Variants in PTGR1 observed in about 807,000 individuals in gnomAD.
PTGR1 encodes the protein 15-oxoprostaglandin 13-reductase.
In PTGR1, 23 loss-of-function variants were observed where a neutral mutation model predicts 37.7. The ratio of observed to expected loss-of-function variants is 0.61; its 90% CI spans 0.44 to 0.86. The LOEUF is 0.86. Ranked by LOEUF, PTGR1 falls within the 40% of genes least tolerant of loss-of-function variation. The probability of loss-of-function intolerance (pLI) is 0.00; values close to 1 mark genes in which losing one functional copy is unlikely to be tolerated. For synonymous variants in PTGR1, 134 were observed against 140.0 expected, an observed-to-expected ratio of 0.96 and a Z score of 0.30; for missense variants, 351 against 394.3, an observed-to-expected ratio of 0.89 and a Z score of 0.93.
intron 9 of PTGR1, among the ~76,000 whole-genome samples, chr9:111,557,113 A>G (rs1338459756): frequency 6.6e-6 from 1 of 152,204 alleles, no homozygotes; most frequent in African/African-American, 2.4e-5. Flanking sequence ...TCAGCTCCTC[A>G]TGCAGCATTT....
chr9:111,553,483 C>A (rs1828032640), intron 9 of PTGR1, among the ~76,000 whole-genome samples: 1 of 152,104 alleles, frequency 6.6e-6, no homozygotes, highest in Non-Finnish European at 1.5e-5. Flanking sequence ...TAGGTATACT[C>A]TATCTTGTGC....
rs1827674857 is a variant in PTGR1 at position 111,592,980 on chromosome 9, A to G, written c.155T>C (p.Val52Ala). Reference protein sequence around the residue: ...LFLTVDPYMRVAAKRLKEGDT... With the variant: ...LFLTVDPYMRAAAKRLKEGDT... ...ACCTTCCTTCAATCTTTTGGCTGCCACTCTGCAAAAAAAAAAAAAAAAAAA... is the reference window on the plus strand; with the variant it reads ...ACCTTCCTTCAATCTTTTGGCTGCCGCTCTGCAAAAAAAAAAAAAAAAAAA... Residue 52 changes from valine (V) to alanine (A), a missense_variant and splice_region_variant, in exon 4 of 10, where the codon GTG becomes GCG. Transcript: ENST00000407693. 3 of 960,094 alleles carry G rather than the reference A, an allele frequency of 3.1e-6. No homozygotes were observed. The highest frequency in any genetic ancestry group is 2.9e-5 in the Admixed American group (1 of 34,976). The allele number at this position is 960,094 out of a possible 1,614,324, so 59.5% of individuals were successfully genotyped here.
intron 4 of PTGR1, among the ~76,000 whole-genome samples, chr9:111,590,471 G>A (rs763786346): frequency 2.0e-4 from 30 of 152,050 alleles, no homozygotes; most frequent in Non-Finnish European, 4.0e-4. Context: ...CAATTCTCAT[G>A]CCTCAGCCTC....
At chr9:111,553,915 T>G (rs1215108802) in intron 9 of PTGR1, among the ~76,000 whole-genome samples, 1 of 152,230 alleles carries the variant, frequency 6.6e-6, no homozygotes, top group Non-Finnish European at 1.5e-5. Context: ...TCCAGCATTT[T>G]GTTGCTTTCC....
At chr9:111,586,382 C>T (rs1274731759) in intron 4 of PTGR1, among the ~76,000 whole-genome samples, 1 of 152,142 alleles carries the variant, frequency 6.6e-6, no homozygotes, top group Non-Finnish European at 1.5e-5. Flanking sequence ...AGGAGTGGCT[C>T]ATGGGGTGAG....
At chr9:111,551,358 T>C (rs2132280530) in intron 9 of PTGR1, among the ~76,000 whole-genome samples, 1 of 150,286 alleles carries the variant, frequency 6.7e-6, no homozygotes, top group African/African-American at 2.4e-5. Flanking sequence ...TTGTTCTAAA[T>C]ATACTTAATT....
intron 4 of PTGR1, among the ~76,000 whole-genome samples, chr9:111,586,782 ACTCTCTCTCTCT>A (rs35858814): frequency 1.5e-5 from 2 of 136,198 alleles, no homozygotes; most frequent in Non-Finnish European, 3.1e-5. Context: ...TTACTTTTCC[ACTCTCTCTCTCT>A]CTCTCTCTCT....
Position 111,582,477 on chromosome 9 carries a change from T to C in PTGR1, c.495+995A>G, listed in dbSNP as rs142565452. ...TTTAAACCAAACTCACTTGTGACTA[T>C]AGATGCAAAAATTCTATTTTAAATG... is the stretch of plus-strand genomic sequence containing the variant. On this transcript the variant is annotated intron_variant, in intron 6 of 9. Transcript: ENST00000407693. Among the ~76,000 whole-genome samples the C allele has an allele frequency of 6.6e-5, 10 of 152,266 alleles. No individual in the cohort carries two copies. The East Asian group carries it at 1.5e-3, about 23-fold the overall frequency.
intron 3 of PTGR1, 152 bp downstream of exon 3, chr9:111,594,070 C>T (rs1025375176): frequency 3.8e-5 from 30 of 791,162 alleles, no homozygotes; most frequent in Admixed American, 2.4e-4. Context: ...CTGCAAAAGA[C>T]GAGCGTGCAT....
At chr9:111,562,125 C>T (rs1564608558), downstream of PTGR1, among the ~76,000 whole-genome samples, 3 of 152,134 alleles carry the variant, frequency 2.0e-5, no homozygotes, top group African/African-American at 4.8e-5. Context: ...ACCTCGCCTC[C>T]GCCTCCAAAA....
chr9:111,576,339 A>G, intron 7 of PTGR1: 1 of 1,613,370 alleles, frequency 6.2e-7, no homozygotes, highest in Non-Finnish European at 8.5e-7. Context: ...ACCAGTACTC[A>G]CTAAGCTTTC....
rs111535710 is a variant in PTGR1 at position 111,586,526 on chromosome 9, C to G, written c.210-361G>C. Among the ~76,000 whole-genome samples the G allele has an allele frequency of 1.0e-3, 159 of 152,264 alleles. 2 individuals are homozygous for G. The highest frequency in any genetic ancestry group is 3.7e-3 in the African/African-American group (154 of 41,538). ...CCCTTAGCCTTCCACTTTCCAGAAT[C>G]GTTGAGATTTTCCTCTCTACTGTCC... is the stretch of plus-strand genomic sequence containing the variant. On this transcript the variant is annotated intron_variant, in intron 4 of 9. Coordinates refer to ENST00000407693, the MANE Select transcript of PTGR1 (RefSeq NM_001146108.2).
chr9:111,594,537 G>A (rs754144836), intron 2 of PTGR1, among the ~76,000 whole-genome samples: 8 of 144,344 alleles, frequency 5.5e-5, no homozygotes, highest in East Asian at 3.9e-4. Flanking sequence ...TGATGCCTTC[G>A]TTTTTGGCAT....
At position 111,570,152 on chromosome 9, in the gene PTGR1, T is replaced by C; in HGVS notation, c.818A>G (p.Tyr273Cys). The change falls in exon 9 of 10, where the codon TAC (tyrosine) becomes TGC (cysteine). Residue 273 changes from tyrosine to cysteine, a missense_variant. Coordinates refer to ENST00000407693, the MANE Select transcript of PTGR1 (RefSeq NM_001146108.2). ...TTGGCGGGCATCTCCTTGCCAGCGG[T>C]AGACGACAAAAGCTTCCATGCGAAG... is the stretch of plus-strand genomic sequence containing the variant. ...QELRMEAFVV[Y>C]RWQGDARQKA... 1 of 1,614,136 alleles carries C rather than the reference T, an allele frequency of 6.2e-7. No individual in the cohort carries two copies. Among genetic ancestry groups the C allele is most frequent in the Non-Finnish European group, 8.5e-7 (1 of 1,180,022 alleles).
At chr9:111,561,138 G>GAGAGAGAGA (rs1446000883), downstream of PTGR1, among the ~76,000 whole-genome samples, 1 of 20,090 alleles carries the variant, frequency 5.0e-5, no homozygotes, top group African/African-American at 3.7e-4. Flanking sequence ...GAGAGAGAGA[G>GAGAGAGAGA]GAGAGAGAGG....
intron 9 of PTGR1, among the ~76,000 whole-genome samples, chr9:111,568,972 A>G (rs188750706): frequency 6.6e-6 from 1 of 152,396 alleles, no homozygotes; most frequent in Admixed American, 6.5e-5. Context: ...TACGACAGAA[A>G]GACATCAAAG....
At chr9:111,567,111 C>T (rs72748038) in intron 9 of PTGR1, among the ~76,000 whole-genome samples, 4,749 of 150,474 alleles carry the variant, frequency 0.032, 90 homozygotes, top group Non-Finnish European at 0.048. Flanking sequence ...AGTCGGGGGG[C>T]GTGGGATATG....
At chr9:111,582,786 C>T (rs577927650) in intron 6 of PTGR1, among the ~76,000 whole-genome samples, 2 of 152,298 alleles carry the variant, frequency 1.3e-5, no homozygotes, top group African/African-American at 4.8e-5. Flanking sequence ...TGGTTGTAAC[C>T]CTGTACTCAT....
chr9:111,589,511 C>T (rs1375092340), intron 4 of PTGR1: 2 of 266,024 alleles, frequency 7.5e-6, no homozygotes, highest in Non-Finnish European at 1.2e-5. Context: ...TCCACCTTGG[C>T]CTCCCAAAGT....
Sources: gnomAD v4.1 joint callset for allele counts (sites outside exome capture counted in the v4.1 genomes callset) on GRCh38, gnomAD v4.1.1 for gene constraint, MANE v1.5 for transcripts, NCBI Gene and HGNC (gene_info 2026-07-23, HGNC 2026-07-21) for gene names.